Variants in PCDHA2 observed in about 807,000 individuals in gnomAD.
PCDHA2 encodes protocadherin alpha 2.
PCDHA2 carries 58 observed loss-of-function variants against 66.0 expected under a neutral mutation model. The ratio of observed to expected loss-of-function variants is 0.88; its 90% confidence interval spans 0.71 to 1.09. The LOEUF (loss-of-function observed/expected upper bound fraction) is 1.09, where lower values mean the gene tolerates loss of function less well. PCDHA2 is among the 50% of genes least tolerant of loss of function. PCDHA2 has a pLI of 0.00. For missense variants in PCDHA2, 1,267 were observed against 1,242.3 expected, an observed-to-expected ratio of 1.02 and a Z score of -0.30; for synonymous variants, 634 against 554.0, an observed-to-expected ratio of 1.14 and a Z score of -2.03.
intron 1 of PCDHA2, chr5:140,835,779 G>GAGAACAACCCGCCGGGCTGCCACATCTT: frequency 6.2e-7 from 1 of 1,613,360 alleles, no homozygotes; most frequent in Non-Finnish European, 8.5e-7. Context: ...GTTCGTGAAG[G>GAGAACAACCCGCCGGGCTGCCACATCTT]AGAACAACCC....
rs1554262618 is a variant in PCDHA2, at chr5:141,009,958, C to T, written c.*21C>T. On this transcript the variant is annotated 3_prime_UTR_variant, in exon 4 of 4. Transcript: ENST00000526136. The stretch of plus-strand genomic sequence containing the variant: ...AGTGAGGTCCTCAAATGGAAACAAG[C>T]CACTTAGCCAGTTTTTGTAATAATG... 1.3e-6 allele frequency: 2 copies of T among 1,589,012 alleles called. No homozygotes were observed. The highest frequency in any genetic ancestry group is 1.7e-6 in the Non-Finnish European group (2 of 1,171,000).
At chr5:140,862,719 C>A (rs2047508176) in intron 1 of PCDHA2, 3 of 565,388 alleles carry the variant, frequency 5.3e-6, no homozygotes, top group Admixed American at 1.9e-5. Context: ...TGGGCGAGTG[C>A]GCGCTGTCTA....
intron 1 of PCDHA2, chr5:140,803,974 T>C: frequency 3.2e-6 from 1 of 314,768 alleles, no homozygotes. Context: ...ACTTTTCATT[T>C]GGACTTCCTA....
intron 1 of PCDHA2, among the ~76,000 whole-genome samples, chr5:140,976,553 A>G (rs1554237789): frequency 1.3e-5 from 2 of 152,074 alleles, no homozygotes; most frequent in Non-Finnish European, 2.9e-5. Context: ...CCTATCTCAT[A>G]AATAAATAAA....
chr5:140,981,260 T>C (rs975813904), intron 2 of PCDHA2, among the ~76,000 whole-genome samples: 11 of 152,324 alleles, frequency 7.2e-5, no homozygotes, highest in African/African-American at 2.4e-4. Flanking sequence ...ACTTTCAAGA[T>C]AAGCAAATGT....
chr5:140,994,717 A>T (rs1350882833), intron 3 of PCDHA2, among the ~76,000 whole-genome samples: 4 of 152,164 alleles, frequency 2.6e-5, no homozygotes, highest in Admixed American at 6.6e-5. Context: ...AAAAAAATTT[A>T]AAATACTGGG....
intron 1 of PCDHA2, among the ~76,000 whole-genome samples, chr5:140,887,146 G>A (rs1160453059): frequency 9.9e-5 from 15 of 151,600 alleles, no homozygotes; most frequent in Non-Finnish European, 2.1e-4. Context: ...GCCCAGGCTG[G>A]AGTACAGTGG....
chr5:140,980,684 G>GAA (rs782726576), intron 2 of PCDHA2, among the ~76,000 whole-genome samples: 2 of 145,064 alleles, frequency 1.4e-5, no homozygotes, highest in African/African-American at 5.1e-5. Context: ...TTTTCAAATT[G>GAA]AAAAAAAAAA....
At chr5:140,993,509 CGGGGAGAGAGAG>C (rs1563592888) in intron 3 of PCDHA2, among the ~76,000 whole-genome samples, 1 of 143,490 alleles carries the variant, frequency 7.0e-6, no homozygotes, top group Admixed American at 7.0e-5. Context: ...CACACACACA[CGGGGAGAGAGAG>C]ACAGAGAGAG....
At chr5:140,903,871 A>G (rs1382306493) in intron 1 of PCDHA2, among the ~76,000 whole-genome samples, 2 of 152,192 alleles carry the variant, frequency 1.3e-5, no homozygotes, top group Non-Finnish European at 2.9e-5. Context: ...GAGTAAAATG[A>G]CAAAGACATT....
chr5:140,947,905 G>C (rs181055131), intron 1 of PCDHA2, among the ~76,000 whole-genome samples: 1 of 151,610 alleles, frequency 6.6e-6, no homozygotes, highest in East Asian at 1.9e-4. Flanking sequence ...GGTGAGAGCA[G>C]ACATTCTTGC....
chr5:140,822,446 C>T, intron 1 of PCDHA2: 1 of 1,613,574 alleles, frequency 6.2e-7, no homozygotes. Flanking sequence ...CTAACAGGTA[C>T]AGTTCAGTTG....
chr5:140,850,436 A>G (rs2150484342), intron 1 of PCDHA2: 1 of 1,597,612 alleles, frequency 6.3e-7, no homozygotes, highest in Admixed American at 1.7e-5. Context: ...GCCAGCGCCT[A>G]CTGGTGCTGG....
At chr5:140,914,964 T>A (rs1328203928) in intron 1 of PCDHA2, among the ~76,000 whole-genome samples, 18 of 131,662 alleles carry the variant, frequency 1.4e-4, no homozygotes, top group Non-Finnish European at 3.0e-4. Context: ...TTTTTTTTTC[T>A]GAGTCAGAGT....
intron 1 of PCDHA2, chr5:140,926,717 C>G (rs975992181): frequency 3.1e-6 from 3 of 967,258 alleles, no homozygotes; most frequent in East Asian, 6.0e-5. Context: ...CCAGCCCCGG[C>G]AATGCCGGCG....
At chr5:140,822,436 C>T (rs2150116376) in intron 1 of PCDHA2, 20 of 1,613,756 alleles carry the variant, frequency 1.2e-5, no homozygotes, top group Non-Finnish European at 1.6e-5. Flanking sequence ...AAAACCCGAA[C>T]TAACAGGTAC....
At chr5:140,836,649 CA>C (rs1774652282) in intron 1 of PCDHA2, 1 of 1,613,348 alleles carries the variant, frequency 6.2e-7, no homozygotes, top group African/African-American at 1.3e-5. Context: ...GCAGAGGCGG[CA>C]GAGGGTGTGC....
At chr5:140,898,062 T>G (rs2066502065) in intron 1 of PCDHA2, among the ~76,000 whole-genome samples, 1 of 152,110 alleles carries the variant, frequency 6.6e-6, no homozygotes, top group African/African-American at 2.4e-5. Flanking sequence ...TAAATTTGTT[T>G]GAGTTCATTG....
chr5:140,856,542 CA>C (rs2044078032), intron 1 of PCDHA2: 1 of 1,598,136 alleles, frequency 6.3e-7, no homozygotes, highest in Admixed American at 1.7e-5. Context: ...GGAGAGAACG[CA>C]TTGCTTACTT....
Sources: allele counts gnomAD v4.1 joint callset (sites outside exome capture counted in the v4.1 genomes callset), GRCh38; gene constraint gnomAD v4.1.1; transcripts MANE v1.5; gene names NCBI Gene and HGNC (gene_info 2026-07-23, HGNC 2026-07-21).